Variants in TMC2 observed in about 807,000 individuals in gnomAD.
TMC2 encodes the protein transmembrane channel-like protein 2.
A neutral mutation model predicts 105.9 loss-of-function variants in TMC2; 102 were observed. The observed-to-expected ratio is 0.96, with a 90% confidence interval of 0.82 to 1.14. TMC2 has a LOEUF of 1.14. Among genes scored for constraint, TMC2 ranks in the 50% most tolerant of loss-of-function variants. The pLI, the probability that TMC2 is intolerant of heterozygous loss-of-function variation, is 0.00. For missense variants in TMC2, 1,093 were observed against 1,134.3 expected (o/e 0.96, Z 0.52); for synonymous variants, 402 against 422.8 (o/e 0.95, Z 0.60).
chr20:2,612,209 A>G lies in TMC2; in HGVS notation c.1612A>G (p.Ile538Val), dbSNP rs373304947. Reference protein sequence around the residue: ...VHLKLANEETIKNITHWTLFN... With the variant: ...VHLKLANEETVKNITHWTLFN... ...GTTCTAGCTTGCTAATGAAGAGACA[A>G]TAAAGAACATCACTCACTGGACTCT... The change falls in exon 13 of 20, where the codon ATA (isoleucine) becomes GTA (valine). Residue 538 changes from isoleucine (I) to valine (V), a missense_variant. Physicochemically the swap from Ile to Val is conservative, Grantham distance 29. Coordinates refer to ENST00000358864, the MANE Select transcript of TMC2 (RefSeq NM_080751.3). 3.4e-5 allele frequency: 54 copies of G among 1,609,154 alleles called. No homozygotes were observed. In the African/African-American group the frequency reaches 5.6e-4, roughly 17 times the overall value.
At chr20:2,537,218 A>G (rs778270865) in intron 1 of TMC2, 51 bp from the exon 2 acceptor site, 2 of 1,544,388 alleles carry the variant, frequency 1.3e-6, no homozygotes, top group Admixed American at 3.8e-5. Context: ...GTCTGCAGGG[A>G]GGGGGACTCA....
chr20:2,603,853 T>C (rs1242620780), intron 11 of TMC2, among the ~76,000 whole-genome samples: 1 of 152,220 alleles, frequency 6.6e-6, no homozygotes, highest in African/African-American at 2.4e-5. Flanking sequence ...TGTCTTAGCC[T>C]ATGTTGTGTT....
At chr20:2,621,926 C>T (rs2086527959) in intron 16 of TMC2, among the ~76,000 whole-genome samples, 1 of 152,132 alleles carries the variant, frequency 6.6e-6, no homozygotes, top group Non-Finnish European at 1.5e-5. Flanking sequence ...ATCTGATACA[C>T]CATCTAATTC....
intron 2 of TMC2, among the ~76,000 whole-genome samples, chr20:2,546,438 A>C (rs955820233): frequency 2.6e-5 from 4 of 151,424 alleles, no homozygotes; most frequent in African/African-American, 9.7e-5. Flanking sequence ...CAGGTAAAAG[A>C]ATAGGAAAGA....
intron 11 of TMC2, among the ~76,000 whole-genome samples, chr20:2,605,184 G>A (rs2086380309): frequency 6.6e-6 from 1 of 151,862 alleles, no homozygotes; most frequent in Admixed American, 6.6e-5. Context: ...CAGAAAATTG[G>A]TTGGTATGGG....
chr20:2,597,032 C>A, intron 9 of TMC2, 119 bp from the exon 10 acceptor site: 2 of 1,130,536 alleles, frequency 1.8e-6, no homozygotes, highest in South Asian at 1.6e-5. Context: ...TGTTTTGTCA[C>A]TGAATGTCAG....
chr20:2,574,775 G>C (rs2086131216), intron 5 of TMC2, among the ~76,000 whole-genome samples: 1 of 151,988 alleles, frequency 6.6e-6, no homozygotes. Context: ...GCCCAGGCTA[G>C]AGTGCAGCAG....
chr20:2,601,166 G>T (rs982635609), intron 10 of TMC2, among the ~76,000 whole-genome samples: 8 of 152,210 alleles, frequency 5.3e-5, no homozygotes, highest in African/African-American at 1.9e-4. Context: ...CTATGCTGAT[G>T]GATTAGAACA....
chr20:2,616,048 G>C lies in TMC2; in HGVS notation c.1873-89G>C. ...TTTGGGATGGAATGGCCTTGGCTTG[G>C]CCAGTTGGTTGGTAGTAGGGTTTGG... On this transcript the variant is annotated intron_variant, in intron 14 of 19. Transcript: ENST00000358864. This position sits in a 1 kb window ranked among gnomAD's most constrained non-coding sequence, Gnocchi z 4.8. 4 of 1,031,810 alleles carry C rather than the reference G, an allele frequency of 3.9e-6. No individual in the cohort carries two copies. The South Asian group carries it at 5.4e-5, about 14-fold the overall frequency. 63.9% of individuals were successfully genotyped at this position (1,031,810 alleles called of 1,614,324 possible).
chr20:2,563,695 G>A (rs4815332), intron 4 of TMC2, among the ~76,000 whole-genome samples: 99,398 of 151,924 alleles, frequency 0.65, 33,192 homozygotes, highest in African/African-American at 0.79. Flanking sequence ...CATAATGTAT[G>A]CATATATCAA....
chr20:2,598,391 C>A (rs1255072884), intron 10 of TMC2, among the ~76,000 whole-genome samples: 1 of 103,672 alleles, frequency 9.6e-6, no homozygotes, highest in Non-Finnish European at 2.0e-5. Context: ...GACCTTGCCT[C>A]TACTTTATTT....
intron 2 of TMC2, among the ~76,000 whole-genome samples, chr20:2,546,280 G>A (rs1012377766): frequency 6.6e-6 from 1 of 152,204 alleles, no homozygotes; most frequent in Non-Finnish European, 1.5e-5. Context: ...GAAGAAAAAT[G>A]TGCACCCTAG....
At chr20:2,634,487 C>T (rs1010228556) in intron 17 of TMC2, among the ~76,000 whole-genome samples, 5 of 152,234 alleles carry the variant, frequency 3.3e-5, no homozygotes, top group African/African-American at 1.2e-4. Context: ...ATTTCCTCTG[C>T]TGCTGGCATG....
intron 2 of TMC2, among the ~76,000 whole-genome samples, chr20:2,552,917 A>G (rs61022069): frequency 0.019 from 2,934 of 152,284 alleles, 49 homozygotes; most frequent in East Asian, 0.056. Flanking sequence ...ACTTTTGCAT[A>G]CTAACCTTGC....
chr20:2,602,122 G>A lies in TMC2; in HGVS notation c.1234G>A (p.Val412Met). 6.2e-7 allele frequency: 1 copy of A among 1,609,830 alleles called. No individual in the cohort carries two copies. The highest frequency in any genetic ancestry group is 8.5e-7 in the Non-Finnish European group (1 of 1,178,080). Residue 412 changes from valine to methionine, a missense_variant, in exon 11 of 20, where the codon GTG becomes ATG. Coordinates refer to ENST00000358864, the MANE Select transcript of TMC2 (RefSeq NM_080751.3). ...ATTTTCACACATTAAGGAATCAATA[G>A]TGGATGAACAAGAGAGTAACAAAGA... ...SITTSFKESI[V>M]DEQESNKEEN...
At chr20:2,627,517 A>G (rs1218827729) in intron 17 of TMC2, among the ~76,000 whole-genome samples, 2 of 152,174 alleles carry the variant, frequency 1.3e-5, no homozygotes, top group Non-Finnish European at 2.9e-5. Flanking sequence ...TCTGACCTGC[A>G]TCTTCTCCAC....
Position 2,536,631 on chromosome 20 carries a change from C to G in TMC2, c.10C>G (p.Gln4Glu). MSH[Q>E]VKGLKEEARG... ...AGCAGTGCTGCTGACCATGAGCCACCAGGTAAAGGGCCTGAAAGAGGAAGG... is the reference window on the plus strand; with the variant it reads ...AGCAGTGCTGCTGACCATGAGCCACGAGGTAAAGGGCCTGAAAGAGGAAGG... The change falls in exon 1 of 20, where the codon CAG becomes GAG. Residue 4 changes from glutamine to glutamate, a missense_variant. By Grantham distance (29) the Gln-to-Glu change is conservative (BLOSUM62 2). Coordinates refer to ENST00000358864, the MANE Select transcript of TMC2 (RefSeq NM_080751.3). 6.4e-7 allele frequency: 1 copy of G among 1,574,700 alleles called. No homozygotes were observed. Among genetic ancestry groups the G allele is most frequent in the Non-Finnish European group, 8.6e-7 (1 of 1,160,126 alleles).
chr20:2,637,640 G>A (rs747957118), intron 19 of TMC2, 49 bp downstream of exon 19: 2 of 1,285,924 alleles, frequency 1.6e-6, no homozygotes, highest in East Asian at 2.3e-5. Flanking sequence ...ACATGGAAAG[G>A]TGTAAAGAGC....
At chr20:2,634,447 T>C (rs2086627156) in intron 17 of TMC2, among the ~76,000 whole-genome samples, 1 of 152,258 alleles carries the variant, frequency 6.6e-6, no homozygotes, top group South Asian at 2.1e-4. Flanking sequence ...CAGCAAACAC[T>C]TGTGTGTTGT....
Sources: allele counts gnomAD v4.1 joint callset (sites outside exome capture counted in the v4.1 genomes callset), GRCh38; gene constraint gnomAD v4.1.1; non-coding constraint Gnocchi (gnomAD v3.1); transcripts MANE v1.5; gene names NCBI Gene and HGNC (gene_info 2026-07-23, HGNC 2026-07-21).